Variants in CNTNAP5 observed in about 807,000 individuals in gnomAD.
CNTNAP5 encodes the protein contactin-associated protein-like 5.
Under a neutral mutation model 150.2 loss-of-function variants are expected in CNTNAP5, and 72 were observed. That is an observed-to-expected ratio of 0.48 (90% CI 0.40 to 0.58). CNTNAP5 has a LOEUF of 0.58. Among genes scored for constraint, CNTNAP5 ranks in the 20% least tolerant of loss-of-function variants. The pLI is 0.00. For missense variants in CNTNAP5, 1,636 were observed against 1,626.2 expected, an observed-to-expected ratio of 1.01 and a Z score of -0.10; for synonymous variants, 672 against 619.8, an observed-to-expected ratio of 1.08 and a Z score of -1.25.
intron 3 of CNTNAP5, among the ~76,000 whole-genome samples, chr2:124,261,616 C>G (rs1056665462): frequency 6.6e-6 from 1 of 152,108 alleles, no homozygotes; most frequent in Non-Finnish European, 1.5e-5. Flanking sequence ...CAGTGGGAGC[C>G]CTCCTCCTCA....
At chr2:124,684,009 T>C (rs1475550530) in intron 13 of CNTNAP5, among the ~76,000 whole-genome samples, 3 of 152,170 alleles carry the variant, frequency 2.0e-5, no homozygotes, top group African/African-American at 7.2e-5. Context: ...CTAAAGAATG[T>C]CATGTTTCCA....
In CNTNAP5 at chr2:124,509,549, C is replaced by T. The variant is rs576345311; in HGVS notation, c.1327+4993C>T. Among the ~76,000 whole-genome samples the T allele has an allele frequency of 8.5e-5, 13 of 152,118 alleles. No homozygotes were observed. The East Asian group carries it at 1.4e-3, about 16-fold the overall frequency. On this transcript the variant is annotated intron_variant, in intron 8 of 23. Transcript: ENST00000682447. The stretch of plus-strand genomic sequence containing the variant: ...AAAAAACTCATAAAACTTTATCAGG[C>T]GGTTAGTATACCAACATACATAGAA...
chr2:124,276,011 ATTTG>A (rs758561781), intron 3 of CNTNAP5, among the ~76,000 whole-genome samples: 35 of 152,062 alleles, frequency 2.3e-4, no homozygotes, highest in Non-Finnish European at 1.5e-4. Flanking sequence ...TGTTTTCTTT[ATTTG>A]TTTGTTTTTT....
intron 7 of CNTNAP5, among the ~76,000 whole-genome samples, chr2:124,499,156 T>G (rs1694219050): frequency 6.6e-6 from 1 of 152,204 alleles, no homozygotes; most frequent in African/African-American, 2.4e-5. Context: ...GCATGTTTTT[T>G]TTTCCCTAAA....
At chr2:124,784,920 A>G (rs750283612) in intron 17 of CNTNAP5, among the ~76,000 whole-genome samples, 1 of 152,116 alleles carries the variant, frequency 6.6e-6, no homozygotes, top group Non-Finnish European at 1.5e-5. Flanking sequence ...TCCCATTGAC[A>G]ATTTAATGAG....
chr2:124,221,756 G>C lies in CNTNAP5; in HGVS notation c.134G>C (p.Ser45Thr), dbSNP rs1375031906. 1 of 1,611,772 alleles carries C rather than the reference G, an allele frequency of 6.2e-7. No individual in the cohort carries two copies. Among genetic ancestry groups the C allele is most frequent in the Non-Finnish European group, 8.5e-7 (1 of 1,178,874 alleles). ...CTGCTCTCTCCAATGGCTTTTTCCA[G>C]TTCCTCAGACCTCACTGGCACTCAC... ...ASLLSPMAFS[S>T]SSDLTGTHSP... Residue 45 changes from serine (S) to threonine (T), a missense_variant, in exon 2 of 24, where the codon AGT (serine) becomes ACT (threonine). Coordinates refer to ENST00000682447, the MANE Select transcript of CNTNAP5 (RefSeq NM_001367498.1).
chr2:124,341,215 A>G (rs1365880197), intron 3 of CNTNAP5, among the ~76,000 whole-genome samples: 4 of 152,118 alleles, frequency 2.6e-5, no homozygotes, highest in Non-Finnish European at 5.9e-5. Flanking sequence ...ATTTCTTCCA[A>G]AAGAAGTTTG....
chr2:124,319,634 G>A (rs76855473), intron 3 of CNTNAP5, among the ~76,000 whole-genome samples: 1,890 of 152,204 alleles, frequency 0.012, 39 homozygotes, highest in African/African-American at 0.041. Flanking sequence ...CGAGGTCAGG[G>A]TTTCTCAGCC....
intron 1 of CNTNAP5, among the ~76,000 whole-genome samples, chr2:124,054,013 A>T (rs906638825): frequency 6.6e-6 from 1 of 152,212 alleles, no homozygotes; most frequent in Non-Finnish European, 1.5e-5. Flanking sequence ...AGATGTCAAC[A>T]TGATTTACTG....
At chr2:124,034,366 A>G (rs974896133) in intron 1 of CNTNAP5, among the ~76,000 whole-genome samples, 1 of 152,188 alleles carries the variant, frequency 6.6e-6, no homozygotes, top group Non-Finnish European at 1.5e-5. Context: ...TTCCATTTTC[A>G]AACAAAGTCT....
chr2:124,658,837 G>A (rs1037938599), intron 13 of CNTNAP5, among the ~76,000 whole-genome samples: 6 of 152,192 alleles, frequency 3.9e-5, no homozygotes, highest in Admixed American at 2.6e-4. Flanking sequence ...GAGGTTAATG[G>A]GTCTGCATAG....
chr2:124,466,503 C>T (rs1693381454), intron 6 of CNTNAP5, among the ~76,000 whole-genome samples: 1 of 152,064 alleles, frequency 6.6e-6, no homozygotes, highest in African/African-American at 2.4e-5. Context: ...TTAATTCCAC[C>T]ACAGGGCTTT....
chr2:124,583,420 G>A (rs936321409), intron 11 of CNTNAP5, among the ~76,000 whole-genome samples: 10 of 152,194 alleles, frequency 6.6e-5, no homozygotes, highest in African/African-American at 2.4e-4. Flanking sequence ...AAAAGTTTCT[G>A]TGGCCTCTCC....
chr2:124,889,418 G>C (rs767870520), intron 21 of CNTNAP5, among the ~76,000 whole-genome samples: 4 of 151,890 alleles, frequency 2.6e-5, no homozygotes, highest in Admixed American at 1.3e-4. Flanking sequence ...TCCACCTTGA[G>C]TTAATTTTTG....
chr2:124,803,097 AG>A (rs1382792399), intron 19 of CNTNAP5, among the ~76,000 whole-genome samples: 4 of 150,474 alleles, frequency 2.7e-5, no homozygotes, highest in African/African-American at 9.9e-5. Context: ...GCTGGGCGAC[AG>A]AGCAAGACTC....
intron 3 of CNTNAP5, among the ~76,000 whole-genome samples, chr2:124,313,732 A>T (rs568324034): frequency 6.6e-6 from 1 of 152,314 alleles, no homozygotes; most frequent in South Asian, 2.1e-4. Context: ...GATACAGCAT[A>T]CACCCTAGGC....
At chr2:124,807,697 C>T (rs1682109616) in intron 19 of CNTNAP5, among the ~76,000 whole-genome samples, 1 of 152,188 alleles carries the variant, frequency 6.6e-6, no homozygotes, top group African/African-American at 2.4e-5. Flanking sequence ...TTTCATGGTA[C>T]TGTGTGTACT....
intron 1 of CNTNAP5, among the ~76,000 whole-genome samples, chr2:124,159,057 A>G (rs992391087): frequency 6.6e-6 from 1 of 152,220 alleles, no homozygotes; most frequent in Non-Finnish European, 1.5e-5. Context: ...AGAGACATTT[A>G]TACTTCAGGG....
chr2:124,757,871 G>C (rs537133666), intron 14 of CNTNAP5, among the ~76,000 whole-genome samples: 75 of 152,216 alleles, frequency 4.9e-4, no homozygotes, highest in Admixed American at 7.9e-4. Flanking sequence ...TCTGGAAAAG[G>C]CAACAGTGAT....
Sources: gnomAD v4.1 joint callset for allele counts (sites outside exome capture counted in the v4.1 genomes callset) on GRCh38, gnomAD v4.1.1 for gene constraint, MANE v1.5 for transcripts, NCBI Gene and HGNC (gene_info 2026-07-23, HGNC 2026-07-21) for gene names.